Variants in DAGLA observed in about 807,000 individuals in gnomAD.
DAGLA encodes diacylglycerol lipase-alpha.
Under a neutral mutation model 102.6 loss-of-function variants are expected in DAGLA, and 22 were observed. That is an observed-to-expected ratio of 0.21 (90% CI 0.15 to 0.31). The LOEUF (loss-of-function observed/expected upper bound fraction) is 0.31, where lower values mean the gene tolerates loss of function less well. Among genes scored for constraint, DAGLA ranks in the 10% least tolerant of loss-of-function variants. DAGLA has a pLI of 1.00. For missense variants in DAGLA, 927 were observed against 1,446.6 expected, an observed-to-expected ratio of 0.64 and a Z score of 5.83; for synonymous variants, 578 against 628.9, an observed-to-expected ratio of 0.92 and a Z score of 1.21.
intron 1 of DAGLA, among the ~76,000 whole-genome samples, chr11:61,719,324 G>T (rs1049717864): frequency 1.3e-5 from 2 of 152,100 alleles, no homozygotes; most frequent in Admixed American, 1.3e-4. Flanking sequence ...GCCAGGAGGG[G>T]TGTGACCCTG....
rs547198182 is a variant in DAGLA at position 61,700,900 on chromosome 11, C to T, written c.-44-19212C>T. On this transcript the variant is annotated intron_variant, in intron 1 of 19. Transcript: ENST00000257215. ...AACGAGACCCCCTGCATGTCACTCA[C>T]ATGTGGCCCCGGGCCAGGCACTTGG... Among the ~76,000 whole-genome samples the T allele has an allele frequency of 3.3e-5, 5 of 152,388 alleles. 1 individual carries two copies. In the Middle Eastern group the frequency reaches 0.01, roughly 311 times the overall value.
intron 1 of DAGLA, among the ~76,000 whole-genome samples, chr11:61,707,150 T>G (rs1203514495): frequency 6.6e-6 from 1 of 151,992 alleles, no homozygotes; most frequent in African/African-American, 2.4e-5. Context: ...GAAGTGGGAG[T>G]GAAGTGCCAC....
At chr11:61,681,169 A>C (rs1321707185) in intron 1 of DAGLA, among the ~76,000 whole-genome samples, 1 of 152,136 alleles carries the variant, frequency 6.6e-6, no homozygotes, top group Non-Finnish European at 1.5e-5. Flanking sequence ...CGGGCGATGA[A>C]GGGGACACTG....
At chr11:61,703,682 G>GAGGA (rs758578045) in intron 1 of DAGLA, among the ~76,000 whole-genome samples, 19 of 82,792 alleles carry the variant, frequency 2.3e-4, no homozygotes, top group Non-Finnish European at 5.0e-4. Flanking sequence ...TGGAGGAATG[G>GAGGA]ATGGATGGAT....
intron 1 of DAGLA, among the ~76,000 whole-genome samples, chr11:61,701,760 A>C (rs2065111730): frequency 6.6e-6 from 1 of 152,082 alleles, no homozygotes; most frequent in Non-Finnish European, 1.5e-5. Context: ...AGCGGCAGTC[A>C]GTGGGGGGTT....
intron 9 of DAGLA, 124 bp downstream of exon 9, chr11:61,731,565 G>C (rs1330816146): frequency 2.3e-6 from 3 of 1,307,848 alleles, no homozygotes; most frequent in Non-Finnish European, 3.2e-6. Flanking sequence ...CCTTCTCTGG[G>C]CCTCAACCTT....
rs3741253 is a variant in DAGLA, at chr11:61,744,564, C to T, written c.*75C>T. Reference sequence around the variant, plus strand: ...TGGGCACCTGGTGCCTGCCCCCTGCCGGGCAGCTTTAAGGACAGACCCCCA... The same window carrying T: ...TGGGCACCTGGTGCCTGCCCCCTGCTGGGCAGCTTTAAGGACAGACCCCCA... On this transcript the variant is annotated 3_prime_UTR_variant, in exon 20 of 20. Transcript: ENST00000257215. 1.6e-4 allele frequency: 220 copies of T among 1,338,122 alleles called. 2 individuals are homozygous for T. The East Asian group carries it at 4.5e-3, about 27-fold the overall frequency. The allele number at this position is 1,338,122 out of a possible 1,614,324, so 82.9% of individuals were successfully genotyped here. A position where few individuals can be genotyped will look rare whatever the true frequency, so the allele number is the denominator to read the frequency against.
At chr11:61,743,282 G>A (rs1033648995) in intron 19 of DAGLA, among the ~76,000 whole-genome samples, 7 of 151,164 alleles carry the variant, frequency 4.6e-5, no homozygotes, top group Admixed American at 2.6e-4. Flanking sequence ...GGAGAATGGC[G>A]TGAACCCAGG....
At chr11:61,691,455 TC>T (rs1004391609) in intron 1 of DAGLA, among the ~76,000 whole-genome samples, 1 of 152,206 alleles carries the variant, frequency 6.6e-6, no homozygotes, top group African/African-American at 2.4e-5. Flanking sequence ...TCAGCCCAAA[TC>T]GAGCTCCTGG....
At chr11:61,736,114 C>T (rs1246552926) in intron 12 of DAGLA, among the ~76,000 whole-genome samples, 156 bp from the exon 13 acceptor site, 1 of 152,132 alleles carries the variant, frequency 6.6e-6, no homozygotes, top group African/African-American at 2.4e-5. Flanking sequence ...ATGGAAGTGA[C>T]AGGATCAGCG....
intron 1 of DAGLA, among the ~76,000 whole-genome samples, chr11:61,697,732 G>A (rs1226439222): frequency 6.6e-6 from 1 of 151,928 alleles, no homozygotes; most frequent in African/African-American, 2.4e-5. Context: ...CCAGCCTGGA[G>A]TGCCGTGGTA....
chr11:61,732,381 T>C (rs997059119), intron 9 of DAGLA, among the ~76,000 whole-genome samples: 1 of 152,128 alleles, frequency 6.6e-6, no homozygotes, highest in Non-Finnish European at 1.5e-5. Context: ...CCCCTTCCCA[T>C]CTTTGTCAGC....
chr11:61,735,856 T>C (rs766040244), intron 12 of DAGLA, 40 bp downstream of exon 12: 2 of 1,552,118 alleles, frequency 1.3e-6, no homozygotes, highest in African/African-American at 1.4e-5. Flanking sequence ...TGGGCTTCTT[T>C]CCTGCCCTGC....
intron 6 of DAGLA, among the ~76,000 whole-genome samples, chr11:61,727,605 G>A (rs1311746399): frequency 6.6e-6 from 1 of 152,202 alleles, no homozygotes. Context: ...GGACCACTGG[G>A]CCAGAGAGTA....
rs1273152558 is a variant in DAGLA, at chr11:61,698,779, C to G, written c.-45+18275C>G. Among the ~76,000 whole-genome samples the G allele has an allele frequency of 2.0e-5, 3 of 152,194 alleles. No homozygotes were observed. In the East Asian group the frequency reaches 5.8e-4, roughly 29 times the overall value. ...ACAGAGATGCAGAGTGTAGCCCTGC[C>G]CTCCTGGAGCTCCCAGCCCAGTGGG... On this transcript the variant is annotated intron_variant, in intron 1 of 19. Coordinates refer to ENST00000257215, the MANE Select transcript of DAGLA (RefSeq NM_006133.3).
At position 61,720,735 on chromosome 11, in the gene DAGLA, G is replaced by T; in HGVS notation, c.152G>T (p.Cys51Phe). 6.2e-7 allele frequency: 1 copy of T among 1,613,998 alleles called. No homozygotes were observed. Among genetic ancestry groups the T allele is most frequent in the East Asian group, 2.2e-5 (1 of 44,882 alleles). ...CTGGTCTATAACCCGCACGAGGCCT[G>T]CTCCCTGAACCTGGTGGACCACGGC... ...FGLVYNPHEA[C>F]SLNLVDHGRG... is the part of the protein sequence containing the mutation. The change falls in exon 3 of 20, where the codon TGC becomes TTC. Residue 51 changes from cysteine to phenylalanine, a missense_variant. Around this residue, in one of 4 missense-constraint regions of DAGLA, gnomAD observed 231 missense variants for 439.8 expected, o/e 0.53. Transcript: ENST00000257215.
At position 61,686,369 on chromosome 11, in the gene DAGLA, G is replaced by A. The variant is rs540262700; in HGVS notation, c.-45+5865G>A. Among the ~76,000 whole-genome samples the A allele has an allele frequency of 1.0e-3, 158 of 152,270 alleles. 2 individuals carry two copies. The highest frequency in any genetic ancestry group is 4.8e-3 in the Admixed American group (74 of 15,294). The stretch of plus-strand genomic sequence containing the variant: ...GGCTTTCAGGGCTGCCCTCGAGGCC[G>A]TTCCCATCCCTGAGGACCCACTGAG... On this transcript the variant is annotated intron_variant, in intron 1 of 19. Coordinates refer to ENST00000257215, the MANE Select transcript of DAGLA (RefSeq NM_006133.3). This position sits in a 1 kb window ranked among gnomAD's most constrained non-coding sequence, Gnocchi z 5.2.
intron 1 of DAGLA, among the ~76,000 whole-genome samples, chr11:61,718,001 G>A (rs1043476675): frequency 6.6e-6 from 1 of 152,216 alleles, no homozygotes; most frequent in Non-Finnish European, 1.5e-5. Flanking sequence ...GTGTGTGTTG[G>A]GTGGATGGTG....
In DAGLA at chr11:61,726,091, T is replaced by C. The variant is rs1164257404; in HGVS notation, c.636+9T>C. ...CGAAGGACTCCCAGTCAGTAAGTACTGGGAGGTCGCTCCCCTCTGGCTCAC... is the reference window on the plus strand; with the variant it reads ...CGAAGGACTCCCAGTCAGTAAGTACCGGGAGGTCGCTCCCCTCTGGCTCAC... On this transcript the variant is annotated intron_variant, in intron 6 of 19. Transcript: ENST00000257215. 1.2e-6 allele frequency: 2 copies of C among 1,610,124 alleles called. No individual in the cohort carries two copies. The highest frequency in any genetic ancestry group is 1.7e-5 in the Admixed American group (1 of 60,022).
Sources: allele counts gnomAD v4.1 joint callset (sites outside exome capture counted in the v4.1 genomes callset), GRCh38; gene constraint gnomAD v4.1.1; regional missense constraint gnomAD v4.1.1; non-coding constraint Gnocchi (gnomAD v3.1); transcripts MANE v1.5; gene names NCBI Gene and HGNC (gene_info 2026-07-23, HGNC 2026-07-21).